Variants in CCDC73 observed in about 807,000 individuals in gnomAD.
CCDC73 encodes the protein coiled-coil domain-containing protein 73.
CCDC73 carries 95 observed loss-of-function variants against 116.5 expected under a neutral mutation model. That is an observed-to-expected ratio of 0.82 (90% confidence interval 0.69 to 0.97). The LOEUF is 0.97. Among genes scored for constraint, CCDC73 ranks in the 50% least tolerant of loss-of-function variants. CCDC73 has a pLI of 0.00. For missense variants in CCDC73, 1,066 were observed against 1,206.8 expected (o/e 0.88, Z 1.73); for synonymous variants, 398 against 401.3 (o/e 0.99, Z 0.10).
At position 32,637,022 on chromosome 11, in the gene CCDC73, T is replaced by TC. The variant is rs1554962247; in HGVS notation, c.1051-1193_1051-1192insG. On this transcript the variant is annotated intron_variant, in intron 13 of 17. Coordinates refer to ENST00000335185, the MANE Select transcript of CCDC73 (RefSeq NM_001008391.4). ...CTGTTTCACTTTTTCTTTTTCTTTTTTTTTTTTTTTTTTTTGAGAAGGAGT... is the reference window on the plus strand; with the variant it reads ...CTGTTTCACTTTTTCTTTTTCTTTTTCTTTTTTTTTTTTTTTGAGAAGGAGT... Among the ~76,000 whole-genome samples, 32 of 139,328 alleles carry TC rather than the reference T, an allele frequency of 2.3e-4. No homozygotes were observed. In the Middle Eastern group the frequency reaches 0.011, roughly 47 times the overall value. The allele number at this position is 139,328 out of a possible 152,430, so 91.4% of individuals were successfully genotyped here. A position where few individuals can be genotyped will look rare whatever the true frequency, so the allele number is the denominator to read the frequency against.
chr11:32,724,811 C>T (rs1850017227), intron 2 of CCDC73, among the ~76,000 whole-genome samples: 1 of 152,148 alleles, frequency 6.6e-6, no homozygotes, highest in African/African-American at 2.4e-5. Context: ...GTGTCTGTGA[C>T]TTGTTACTCC....
intron 7 of CCDC73, among the ~76,000 whole-genome samples, chr11:32,679,060 T>G (rs1023072753): frequency 1.3e-5 from 2 of 151,820 alleles, no homozygotes; most frequent in Non-Finnish European, 2.9e-5. Context: ...GTAATAATTA[T>G]GATATATCAG....
intron 3 of CCDC73, among the ~76,000 whole-genome samples, chr11:32,715,401 G>A (rs1849935739): frequency 6.6e-6 from 1 of 152,052 alleles, no homozygotes; most frequent in Non-Finnish European, 1.5e-5. Flanking sequence ...GTGTTCAGAA[G>A]TGTAACTTCT....
intron 1 of CCDC73, among the ~76,000 whole-genome samples, chr11:32,763,371 T>G (rs1167445855): frequency 3.9e-5 from 6 of 152,210 alleles, no homozygotes; most frequent in Non-Finnish European, 8.8e-5. Flanking sequence ...ATACCTCACA[T>G]GGCCGGGTAC....
At chr11:32,628,557 C>T (rs1037304410) in intron 14 of CCDC73, among the ~76,000 whole-genome samples, 2 of 152,170 alleles carry the variant, frequency 1.3e-5, no homozygotes, top group African/African-American at 4.8e-5. Context: ...GAGGAATGAA[C>T]TTACTGAATA....
At chr11:32,706,270 C>A (rs1220888983) in intron 3 of CCDC73, among the ~76,000 whole-genome samples, 1 of 152,166 alleles carries the variant, frequency 6.6e-6, no homozygotes, top group Non-Finnish European at 1.5e-5. Flanking sequence ...AAGCTGTTGA[C>A]TTCCAGCTCT....
chr11:32,605,219 C>T (rs1402617285), intron 17 of CCDC73: 5 of 150,750 alleles, frequency 3.3e-5, no homozygotes, highest in Admixed American at 2.0e-4. Context: ...TTCACGGCTC[C>T]CTAAGGAGTG....
chr11:32,750,978 GT>G (rs1850283051), intron 2 of CCDC73, among the ~76,000 whole-genome samples: 1 of 152,142 alleles, frequency 6.6e-6, no homozygotes, highest in Non-Finnish European at 1.5e-5. Context: ...GTACTACCTG[GT>G]TATTGCTGCC....
intron 7 of CCDC73, among the ~76,000 whole-genome samples, chr11:32,679,157 A>G (rs1381019857): frequency 6.6e-6 from 1 of 152,144 alleles, no homozygotes; most frequent in Non-Finnish European, 1.5e-5. Context: ...TGATAAATGT[A>G]CTTAGTCCTG....
chr11:32,829,528 A>T, the CCDC73 span, among the ~76,000 whole-genome samples: 1 of 152,216 alleles, frequency 6.6e-6, no homozygotes, highest in Non-Finnish European at 1.5e-5. Flanking sequence ...TTGTCTGATG[A>T]ATATCTTGTC....
chr11:32,687,915 C>T (rs1383964536), intron 6 of CCDC73, among the ~76,000 whole-genome samples: 1 of 152,052 alleles, frequency 6.6e-6, no homozygotes, highest in East Asian at 1.9e-4. Context: ...ATGATGAAGA[C>T]ATGTCAAAAA....
At chr11:32,730,122 A>G (rs1371142130) in intron 2 of CCDC73, among the ~76,000 whole-genome samples, 2 of 152,220 alleles carry the variant, frequency 1.3e-5, no homozygotes, top group African/African-American at 4.8e-5. Context: ...AAATTTGCAT[A>G]TAGTACAGTT....
At chr11:32,686,995 C>T (rs1856207806) in intron 6 of CCDC73, among the ~76,000 whole-genome samples, 1 of 152,154 alleles carries the variant, frequency 6.6e-6, no homozygotes, top group South Asian at 2.1e-4. Flanking sequence ...TTATAGTTAT[C>T]CTTCACTTTA....
At chr11:32,612,547 T>C (rs1855431227) in intron 16 of CCDC73, among the ~76,000 whole-genome samples, 1 of 151,862 alleles carries the variant, frequency 6.6e-6, no homozygotes, top group African/African-American at 2.4e-5. Flanking sequence ...AACACCAGCC[T>C]CGGCAACAAA....
intron 3 of CCDC73, among the ~76,000 whole-genome samples, chr11:32,703,773 T>TC (rs1199831844): frequency 6.6e-6 from 1 of 152,334 alleles, no homozygotes. Flanking sequence ...TTTCTTTTTT[T>TC]CTCCTTCTCC....
At position 32,614,634 on chromosome 11, in the gene CCDC73, G is replaced by A. The variant is rs1258862510; in HGVS notation, c.1684C>T (p.His562Tyr). The change falls in exon 16 of 18, where the codon CAT becomes TAT. Residue 562 changes from histidine (H) to tyrosine (Y), a missense_variant. His to Tyr is a moderately conservative substitution (Grantham distance 83, BLOSUM62 2). Coordinates refer to ENST00000335185, the MANE Select transcript of CCDC73 (RefSeq NM_001008391.4). Reference protein sequence around the residue: ...LERTRGLDVHHTDVNLEVENN... With the variant: ...LERTRGLDVHYTDVNLEVENN... ...TCAACCTCCAGATTTACATCTGTATGGTGAACATCTAATCCTCTGGTTCTT... is the reference window on the plus strand; with the variant it reads ...TCAACCTCCAGATTTACATCTGTATAGTGAACATCTAATCCTCTGGTTCTT... 6.2e-7 allele frequency: 1 copy of A among 1,612,606 alleles called. No homozygotes were observed. The highest frequency in any genetic ancestry group is 1.1e-5 in the South Asian group (1 of 91,032).
chr11:32,812,712 C>A, the CCDC73 span, among the ~76,000 whole-genome samples: 25 of 151,230 alleles, frequency 1.7e-4, no homozygotes, highest in Non-Finnish European at 3.5e-4. Context: ...GTGGTGCATG[C>A]CTGTAGTCCC....
chr11:32,605,334 A>G (rs922708015), intron 17 of CCDC73: 2 of 151,870 alleles, frequency 1.3e-5, no homozygotes, highest in African/African-American at 4.8e-5. Context: ...TTCTTTGTTC[A>G]TATTTATCTG....
chr11:32,766,042 G>T (rs1196568978), intron 1 of CCDC73, among the ~76,000 whole-genome samples: 1 of 152,098 alleles, frequency 6.6e-6, no homozygotes, highest in African/African-American at 2.4e-5. Flanking sequence ...AATGAACATC[G>T]ATGCAAAAAT....
Sources: gnomAD v4.1 joint callset for allele counts (sites outside exome capture counted in the v4.1 genomes callset) on GRCh38, gnomAD v4.1.1 for gene constraint, MANE v1.5 for transcripts, NCBI Gene and HGNC (gene_info 2026-07-23, HGNC 2026-07-21) for gene names.